The following EPHA3 variants were observed in gnomAD, a reference collection of about 807,000 sequenced individuals.
EPHA3 encodes the protein ephrin type-A receptor 3.
In EPHA3, 42 loss-of-function variants were observed where a neutral mutation model predicts 107.1. That is an observed-to-expected ratio of 0.39 (90% CI 0.31 to 0.51). EPHA3 has a LOEUF of 0.51. Among genes scored for constraint, EPHA3 ranks in the 20% least tolerant of loss-of-function variants. The pLI is 0.78. For missense variants in EPHA3, 1,183 were observed against 1,211.2 expected, an observed-to-expected ratio of 0.98 and a Z score of 0.35; for synonymous variants, 461 against 424.8, an observed-to-expected ratio of 1.09 and a Z score of -1.05.
chr3:89,476,913 A>G (rs1710526273), intron 16 of EPHA3, among the ~76,000 whole-genome samples: 1 of 152,018 alleles, frequency 6.6e-6, no homozygotes, highest in Non-Finnish European at 1.5e-5. Flanking sequence ...AGGAAGGGGA[A>G]AGGGAAGAGA....
At chr3:89,366,737 T>C (rs1708191389) in intron 5 of EPHA3, among the ~76,000 whole-genome samples, 1 of 150,592 alleles carries the variant, frequency 6.6e-6, no homozygotes, top group African/African-American at 2.4e-5. Flanking sequence ...ATTTATGAAA[T>C]CTTACTCTGT....
At chr3:89,425,968 C>G (rs945181214) in intron 11 of EPHA3, among the ~76,000 whole-genome samples, 3 of 151,624 alleles carry the variant, frequency 2.0e-5, no homozygotes, top group Non-Finnish European at 4.4e-5. Context: ...TGTGAAAGAT[C>G]ATCATTTTAT....
intron 2 of EPHA3, among the ~76,000 whole-genome samples, chr3:89,197,449 TA>T (rs11414514): frequency 1.3e-5 from 2 of 150,660 alleles, no homozygotes; most frequent in African/African-American, 4.9e-5. Context: ...AATAAAAACA[TA>T]AAAAAACTTA....
At chr3:89,235,453 T>A (rs1193301656) in intron 3 of EPHA3, among the ~76,000 whole-genome samples, 1 of 152,106 alleles carries the variant, frequency 6.6e-6, no homozygotes, top group East Asian at 1.9e-4. Flanking sequence ...AGCGTCGTAA[T>A]AAATCTTGAT....
At chr3:89,326,445 G>A (rs1315166943) in intron 3 of EPHA3, among the ~76,000 whole-genome samples, 1 of 151,958 alleles carries the variant, frequency 6.6e-6, no homozygotes, top group Non-Finnish European at 1.5e-5. Context: ...CTGGAGTGCA[G>A]TAATGCAATC....
chr3:89,390,671 C>T (rs1010076019), intron 5 of EPHA3, among the ~76,000 whole-genome samples: 1 of 151,310 alleles, frequency 6.6e-6, no homozygotes, highest in Non-Finnish European at 1.5e-5. Context: ...TTGCATGTTG[C>T]TGATTCAAGA....
At chr3:89,415,888 A>G (rs1207056431) in intron 10 of EPHA3, among the ~76,000 whole-genome samples, 5 of 151,618 alleles carry the variant, frequency 3.3e-5, no homozygotes, top group East Asian at 3.9e-4. Context: ...GATCAAATGA[A>G]AAACCAAAAT....
At chr3:89,381,918 A>T (rs1254391410) in intron 5 of EPHA3, among the ~76,000 whole-genome samples, 1 of 152,160 alleles carries the variant, frequency 6.6e-6, no homozygotes, top group Admixed American at 6.5e-5. Context: ...GCTGTAAGAA[A>T]CATCCATTGT....
Position 89,413,891 on chromosome 3 carries a change from A to G in EPHA3, c.1888+625A>G, listed in dbSNP as rs181440648. ...GGTTAATAACAGTTGCATATTTATA[A>G]GAAAAATTTCATATATTTGTAAAAT... On this transcript the variant is annotated intron_variant, in intron 10 of 16. Transcript: ENST00000336596. Among the ~76,000 whole-genome samples the G allele has an allele frequency of 3.5e-4, 53 of 151,844 alleles. 1 individual carries two copies. Among genetic ancestry groups the G allele is most frequent in the Admixed American group, 7.9e-4 (12 of 15,204 alleles).
At chr3:89,302,703 TCC>T (rs1559639095) in intron 3 of EPHA3, among the ~76,000 whole-genome samples, 1 of 152,156 alleles carries the variant, frequency 6.6e-6, no homozygotes, top group East Asian at 1.9e-4. Flanking sequence ...GAATTTAGAA[TCC>T]ATAGAATCCT....
chr3:89,135,553 C>G (rs1704292797), intron 2 of EPHA3, among the ~76,000 whole-genome samples: 1 of 151,950 alleles, frequency 6.6e-6, no homozygotes, highest in Non-Finnish European at 1.5e-5. Flanking sequence ...ATGATTTACA[C>G]TATATTACTT....
intron 1 of EPHA3, among the ~76,000 whole-genome samples, chr3:89,125,621 A>G (rs1168723510): frequency 6.6e-6 from 1 of 151,740 alleles, no homozygotes; most frequent in Non-Finnish European, 1.5e-5. Context: ...TAATTTAAAT[A>G]CAATTACTTC....
At chr3:89,201,568 G>A (rs1705969584) in intron 2 of EPHA3, among the ~76,000 whole-genome samples, 1 of 152,128 alleles carries the variant, frequency 6.6e-6, no homozygotes, top group African/African-American at 2.4e-5. Flanking sequence ...CTTTGCAAAT[G>A]TTCATTCCTA....
At chr3:89,200,692 A>G (rs1379850862) in intron 2 of EPHA3, among the ~76,000 whole-genome samples, 3 of 152,192 alleles carry the variant, frequency 2.0e-5, no homozygotes, top group Admixed American at 1.3e-4. Context: ...AATATCTTTC[A>G]TTGTAACACT....
At chr3:89,356,149 C>G (rs1707949015) in intron 5 of EPHA3, among the ~76,000 whole-genome samples, 2 of 150,834 alleles carry the variant, frequency 1.3e-5, no homozygotes, top group African/African-American at 4.8e-5. Context: ...CATGTCCCTA[C>G]AGAGGACATG....
intron 5 of EPHA3, among the ~76,000 whole-genome samples, chr3:89,392,037 C>T (rs1267917790): frequency 1.3e-5 from 2 of 152,124 alleles, no homozygotes; most frequent in Non-Finnish European, 2.9e-5. Context: ...TGCTAACTTG[C>T]GTCAATGCCT....
At chr3:89,117,508 C>T (rs189865675) in intron 1 of EPHA3, among the ~76,000 whole-genome samples, 1 of 152,144 alleles carries the variant, frequency 6.6e-6, no homozygotes, top group Admixed American at 6.5e-5. Context: ...GTCTGGGAAG[C>T]TAATTTGCAA....
At chr3:89,262,297 A>T (rs781168956) in intron 3 of EPHA3, among the ~76,000 whole-genome samples, 1 of 152,230 alleles carries the variant, frequency 6.6e-6, no homozygotes, top group South Asian at 2.1e-4. Context: ...ACAACAGAAT[A>T]TATTTTTAAT....
intron 4 of EPHA3, 49 bp downstream of exon 4, chr3:89,341,120 T>A (rs1171389257): frequency 4.4e-6 from 7 of 1,574,888 alleles, no homozygotes; most frequent in Non-Finnish European, 5.2e-6. Flanking sequence ...TTTGTTTTCT[T>A]CTTGTTACTG....
Sources: gnomAD v4.1 joint callset for allele counts (sites outside exome capture counted in the v4.1 genomes callset) on GRCh38, gnomAD v4.1.1 for gene constraint, MANE v1.5 for transcripts, NCBI Gene and HGNC (gene_info 2026-07-23, HGNC 2026-07-21) for gene names.